Variants in PPP2R1B observed in about 807,000 individuals in gnomAD.
The protein encoded by PPP2R1B is serine/threonine-protein phosphatase 2A 65 kDa regulatory subunit A beta isoform.
In PPP2R1B, 58 loss-of-function variants were observed where a neutral mutation model predicts 72.7. The ratio of observed to expected loss-of-function variants is 0.80; its 90% CI spans 0.65 to 0.99. The LOEUF (loss-of-function observed/expected upper bound fraction) is 0.99, where lower values mean the gene tolerates loss of function less well. Ranked by LOEUF, PPP2R1B falls within the 50% of genes least tolerant of loss-of-function variation. The probability of loss-of-function intolerance (pLI) is 0.00; values close to 1 mark genes in which losing one functional copy is unlikely to be tolerated. For missense variants in PPP2R1B, 695 were observed against 733.6 expected, an observed-to-expected ratio of 0.95 and a Z score of 0.61; for synonymous variants, 256 against 264.6, an observed-to-expected ratio of 0.97 and a Z score of 0.32.
chr11:111,723,126 T>C (rs1031194560), downstream of PPP2R1B, among the ~76,000 whole-genome samples: 2 of 152,176 alleles, frequency 1.3e-5, no homozygotes, highest in African/African-American at 2.4e-5. Flanking sequence ...TAGAAGCAGC[T>C]TGGCCAAGGT....
intron 7 of PPP2R1B, among the ~76,000 whole-genome samples, 188 bp downstream of exon 7, chr11:111,754,792 C>CA (rs1362490898): frequency 6.6e-6 from 1 of 151,760 alleles, no homozygotes; most frequent in African/African-American, 2.4e-5. Context: ...AAAAACAAGA[C>CA]AAAATGATTT....
intron 10 of PPP2R1B, among the ~76,000 whole-genome samples, chr11:111,750,287 G>A (rs78465265): frequency 0.037 from 5,697 of 152,262 alleles, 365 homozygotes; most frequent in African/African-American, 0.13. Context: ...GTGGGAGTGA[G>A]GAAGGGGAAA....
In PPP2R1B at chr11:111,741,407, G is replaced by A. The variant is rs1414832824; in HGVS notation, c.*189C>T. On this transcript the variant is annotated 3_prime_UTR_variant, in exon 15 of 15. Transcript: ENST00000527614. Reference sequence around the variant, plus strand: ...GCTTAAATAATGATTTAACAAGGAAGACGAGTAAAAAACAATCCCATTTCA... The same window carrying A: ...GCTTAAATAATGATTTAACAAGGAAAACGAGTAAAAAACAATCCCATTTCA... 3 of 1,404,884 alleles carry A rather than the reference G, an allele frequency of 2.1e-6. No homozygotes were observed. The highest frequency in any genetic ancestry group is 2.9e-5 in the African/African-American group (2 of 68,436). 87.0% of individuals were successfully genotyped at this position (1,404,884 alleles called of 1,614,324 possible).
At chr11:111,695,109 T>C in the PPP2R1B span, among the ~76,000 whole-genome samples, 1 of 152,214 alleles carries the variant, frequency 6.6e-6, no homozygotes, top group South Asian at 2.1e-4. Context: ...TCTATCACTC[T>C]CCACCTCTCA....
the PPP2R1B span, among the ~76,000 whole-genome samples, chr11:111,714,497 T>C: frequency 6.6e-6 from 1 of 152,146 alleles, no homozygotes; most frequent in Non-Finnish European, 1.5e-5. Flanking sequence ...GAGAAACTGG[T>C]GACCAGGAAG....
the PPP2R1B span, among the ~76,000 whole-genome samples, chr11:111,694,871 C>A: frequency 1.3e-5 from 2 of 152,128 alleles, no homozygotes; most frequent in Non-Finnish European, 2.9e-5. Context: ...TGCTTCTTAG[C>A]TCATTGAACT....
In PPP2R1B at chr11:111,741,267, G is replaced by C; in HGVS notation, c.*329C>G. 1 of 1,146,104 alleles carries C rather than the reference G, an allele frequency of 8.7e-7. No individual in the cohort carries two copies. The highest frequency in any genetic ancestry group is 2.8e-5 in the South Asian group (1 of 35,596). 71.0% of individuals were successfully genotyped at this position (1,146,104 alleles called of 1,614,324 possible). On this transcript the variant is annotated 3_prime_UTR_variant, in exon 15 of 15. Coordinates refer to ENST00000527614, the MANE Select transcript of PPP2R1B (RefSeq NM_002716.5). ...CTGGGTCCACACCCTTCCAGGCTTT[G>C]TCTGGAACATTATGTGGCTGGTGCC...
chr11:111,697,948 T>C, the PPP2R1B span, among the ~76,000 whole-genome samples: 1 of 152,180 alleles, frequency 6.6e-6, no homozygotes, highest in African/African-American at 2.4e-5. Flanking sequence ...AGATGAAGGC[T>C]ACAATGAGCT....
At chr11:111,737,146 A>C (rs907634448), downstream of PPP2R1B, among the ~76,000 whole-genome samples, 2 of 152,170 alleles carry the variant, frequency 1.3e-5, no homozygotes, top group African/African-American at 2.4e-5. Flanking sequence ...ACCAAACCCC[A>C]CTGGTGTCCT....
At chr11:111,732,339 A>G (rs887257955) in intron 15 of PPP2R1B, among the ~76,000 whole-genome samples, 1 of 152,180 alleles carries the variant, frequency 6.6e-6, no homozygotes, top group Non-Finnish European at 1.5e-5. Flanking sequence ...TGGGCCCCCG[A>G]GGCCCCCCTC....
the PPP2R1B span, among the ~76,000 whole-genome samples, chr11:111,695,090 A>G: frequency 6.6e-6 from 1 of 152,346 alleles, no homozygotes; most frequent in Non-Finnish European, 1.5e-5. Flanking sequence ...GCAATGGGTC[A>G]GCTTCATCTC....
chr11:111,718,199 G>A, the PPP2R1B span, among the ~76,000 whole-genome samples: 2 of 152,288 alleles, frequency 1.3e-5, no homozygotes, highest in African/African-American at 2.4e-5. Context: ...TCTTTTCTCT[G>A]TTGGCTTATT....
At chr11:111,756,968 G>A (rs1330582848) in intron 5 of PPP2R1B, among the ~76,000 whole-genome samples, 1 of 152,024 alleles carries the variant, frequency 6.6e-6, no homozygotes, top group Non-Finnish European at 1.5e-5. Context: ...ACAAAAATTA[G>A]CCAGGCATGG....
chr11:111,745,462 T>C (rs948540027), intron 11 of PPP2R1B, among the ~76,000 whole-genome samples: 3 of 152,238 alleles, frequency 2.0e-5, no homozygotes, highest in African/African-American at 4.8e-5. Context: ...ATGCATAGCC[T>C]TGACCAAGAC....
the PPP2R1B span, among the ~76,000 whole-genome samples, chr11:111,719,490 T>A: frequency 6.6e-6 from 1 of 151,816 alleles, no homozygotes; most frequent in Admixed American, 6.6e-5. Context: ...CCCCTGTTCT[T>A]CTGGAAACCA....
At chr11:111,753,272 C>G (rs1009385144) in intron 9 of PPP2R1B, among the ~76,000 whole-genome samples, 171 bp downstream of exon 9, 17 of 152,166 alleles carry the variant, frequency 1.1e-4, no homozygotes, top group African/African-American at 2.9e-4. Context: ...TGCCCACTTT[C>G]TGAGGAACCT....
chr11:111,741,721 C>A, intron 14 of PPP2R1B, 109 bp from the exon 15 acceptor site: 1 of 1,239,766 alleles, frequency 8.1e-7, no homozygotes. Context: ...CTAACAACTT[C>A]TCACTGTGGT....
intron 11 of PPP2R1B, among the ~76,000 whole-genome samples, chr11:111,743,966 T>C (rs1192294547): frequency 6.6e-6 from 1 of 152,164 alleles, no homozygotes; most frequent in African/African-American, 2.4e-5. Context: ...AGGGAAGGTC[T>C]AGGAAGGCTT....
chr11:111,692,749 G>A, the PPP2R1B span, among the ~76,000 whole-genome samples: 1 of 151,902 alleles, frequency 6.6e-6, no homozygotes, highest in African/African-American at 2.4e-5. Context: ...GGGAAAAATA[G>A]GGCTCTGTGG....
Sources: allele counts gnomAD v4.1 joint callset (sites outside exome capture counted in the v4.1 genomes callset), GRCh38; gene constraint gnomAD v4.1.1; transcripts MANE v1.5; gene names NCBI Gene and HGNC (gene_info 2026-07-23, HGNC 2026-07-21).